Variants in UBTD2 observed in about 807,000 individuals in gnomAD.
The protein encoded by UBTD2 is ubiquitin domain containing 2, also known as ubiquitin domain-containing protein 2.
A neutral mutation model predicts 19.8 loss-of-function variants in UBTD2; 9 were observed. The observed-to-expected ratio is 0.46, with a 90% CI of 0.27 to 0.79. The LOEUF (loss-of-function observed/expected upper bound fraction) is 0.79, where lower values mean the gene tolerates loss of function less well. Ranked by LOEUF, UBTD2 falls within the 30% of genes least tolerant of loss-of-function variation. The pLI is 0.14. For synonymous variants in UBTD2, 98 were observed against 103.9 expected, an observed-to-expected ratio of 0.94 and a Z score of 0.35; for missense variants, 250 against 300.4, an observed-to-expected ratio of 0.83 and a Z score of 1.24.
chr5:172,231,651 A>T (rs1034508586), intron 2 of UBTD2, among the ~76,000 whole-genome samples: 1 of 152,244 alleles, frequency 6.6e-6, no homozygotes, highest in Non-Finnish European at 1.5e-5. Flanking sequence ...GTAGGTAATT[A>T]TAAGTACAAA....
chr5:172,211,832 A>T lies in UBTD2; in HGVS notation c.703T>A (p.Ter235ArgextTer37), dbSNP rs1271054065. ...PVQNPTPVEN[*>R] ...GGAGCTGGCCAACAGGGCTCAGTTC[A>T]GTTCTCCACTGGTGTTGGGTTCTGC... The change falls in exon 3 of 3, where the codon TGA becomes AGA. Residue 235 changes from the stop codon to arginine (R), a stop_lost. Transcript: ENST00000393792. 6.2e-7 allele frequency: 1 copy of T among 1,604,298 alleles called. No homozygotes were observed. Among genetic ancestry groups the T allele is most frequent in the Non-Finnish European group, 8.5e-7 (1 of 1,173,346 alleles).
chr5:172,262,873 G>C (rs896362340), intron 1 of UBTD2, among the ~76,000 whole-genome samples: 3 of 152,154 alleles, frequency 2.0e-5, no homozygotes, highest in African/African-American at 7.2e-5. Flanking sequence ...TATTTGTGAA[G>C]CTTAAACAAC....
chr5:172,276,722 CG>C (rs1378146959), intron 1 of UBTD2, among the ~76,000 whole-genome samples: 1 of 146,522 alleles, frequency 6.8e-6, no homozygotes, highest in East Asian at 2.0e-4. Flanking sequence ...GAGGGAAAGA[CG>C]GAAGAAAGGG....
chr5:172,244,782 G>A (rs1467750159), intron 1 of UBTD2, among the ~76,000 whole-genome samples: 2 of 152,028 alleles, frequency 1.3e-5, no homozygotes, highest in East Asian at 1.9e-4. Context: ...AGGATGGAGT[G>A]CAATGGTGCG....
At chr5:172,279,637 T>C (rs1755671747) in intron 1 of UBTD2, among the ~76,000 whole-genome samples, 3 of 152,212 alleles carry the variant, frequency 2.0e-5, no homozygotes, top group Admixed American at 2.0e-4. Flanking sequence ...TCACTATACT[T>C]TCATTAAAGA....
chr5:172,254,795 G>C, intron 1 of UBTD2: 1 of 548,806 alleles, frequency 1.8e-6, no homozygotes, highest in Non-Finnish European at 3.4e-6. Context: ...CGTCCTCTGT[G>C]GTTCAATCCC....
At chr5:172,212,527 CA>C (rs1771471432) in intron 2 of UBTD2, among the ~76,000 whole-genome samples, 1 of 152,198 alleles carries the variant, frequency 6.6e-6, no homozygotes, top group African/African-American at 2.4e-5. Flanking sequence ...AATGCTTACA[CA>C]AGACGTAGAG....
At chr5:172,280,512 A>AC (rs1426875351) in intron 1 of UBTD2, among the ~76,000 whole-genome samples, 248 of 150,486 alleles carry the variant, frequency 1.6e-3, no homozygotes, top group African/African-American at 5.4e-3. Context: ...TCCATCTCAA[A>AC]AAAAAAAAAA....
chr5:172,233,199 C>T (rs1400667164), intron 2 of UBTD2, among the ~76,000 whole-genome samples: 1 of 152,114 alleles, frequency 6.6e-6, no homozygotes, highest in Non-Finnish European at 1.5e-5. Flanking sequence ...GATGGTTCAA[C>T]AATGAAAGTC....
chr5:172,249,420 A>G, intron 1 of UBTD2, among the ~76,000 whole-genome samples: 1 of 151,254 alleles, frequency 6.6e-6, no homozygotes, highest in Non-Finnish European at 1.5e-5. Context: ...AAAAAAAAAA[A>G]AAAAAAAGAA....
At chr5:172,254,566 G>A (rs76977259) in intron 1 of UBTD2, 11,904 of 630,152 alleles carry the variant, frequency 0.019, 165 homozygotes, top group Non-Finnish European at 0.024. Context: ...TCTGTGTGTC[G>A]TCTTCTGTGT....
At chr5:172,232,133 C>T (rs543027421) in intron 2 of UBTD2, among the ~76,000 whole-genome samples, 13 of 152,112 alleles carry the variant, frequency 8.5e-5, no homozygotes, top group African/African-American at 2.2e-4. Flanking sequence ...ATTAGCTGGG[C>T]CTGGTGGCAC....
At chr5:172,272,075 C>A (rs976475661) in intron 1 of UBTD2, among the ~76,000 whole-genome samples, 1 of 152,134 alleles carries the variant, frequency 6.6e-6, no homozygotes, top group Non-Finnish European at 1.5e-5. Context: ...CTAACTTCAA[C>A]AGAAATTCCA....
chr5:172,255,476 G>A, intron 1 of UBTD2: 1 of 411,306 alleles, frequency 2.4e-6, no homozygotes, highest in South Asian at 2.2e-5. Flanking sequence ...TTGGCTTTGA[G>A]AGGTGTGGTT....
intron 1 of UBTD2, among the ~76,000 whole-genome samples, chr5:172,257,757 A>G (rs1755186028): frequency 6.6e-6 from 1 of 152,138 alleles, no homozygotes; most frequent in South Asian, 2.1e-4. Context: ...ACGTTTCTCT[A>G]ATGATTAGTG....
chr5:172,216,591 C>CAA (rs57657254), intron 2 of UBTD2, among the ~76,000 whole-genome samples: 416 of 36,922 alleles, frequency 0.011, 82 homozygotes, highest in Non-Finnish European at 0.018. Context: ...CATCTCTACC[C>CAA]AAAAAAAAAA....
At chr5:172,218,775 C>G (rs1264895299) in intron 2 of UBTD2, among the ~76,000 whole-genome samples, 1 of 50,492 alleles carries the variant, frequency 2.0e-5, no homozygotes, top group Non-Finnish European at 4.1e-5. Flanking sequence ...ACCCTGTCAC[C>G]AAAAAAAAAA....
chr5:172,282,897 A>C (rs1755747222), intron 1 of UBTD2, among the ~76,000 whole-genome samples: 1 of 152,108 alleles, frequency 6.6e-6, no homozygotes. Flanking sequence ...CTTTTATCCT[A>C]CATATTTTCC....
chr5:172,229,425 C>T lies in UBTD2; in HGVS notation c.307+4697G>A, dbSNP rs1396153451. On this transcript the variant is annotated intron_variant, in intron 2 of 2. Transcript: ENST00000393792. ...CTGAGGCAGGAGAATGGCGTGAACC[C>T]GGGAGGTGGAGCTTGCAGTGAGCCG... Among the ~76,000 whole-genome samples the T allele has an allele frequency of 6.1e-5, 9 of 147,458 alleles. No homozygotes were observed. The East Asian group carries it at 8.2e-4, about 13-fold the overall frequency.
Sources: gnomAD v4.1 joint callset for allele counts (sites outside exome capture counted in the v4.1 genomes callset) on GRCh38, gnomAD v4.1.1 for gene constraint, MANE v1.5 for transcripts, NCBI Gene and HGNC (gene_info 2026-07-23, HGNC 2026-07-21) for gene names.